GABRB2: variants seen among roughly 807,000 people sequenced by gnomAD.
GABRB2 encodes gamma-aminobutyric acid receptor subunit beta-2.
GABRB2 carries 16 observed loss-of-function variants against 54.7 expected under a neutral mutation model. The observed-to-expected ratio is 0.29, with a 90% CI of 0.20 to 0.44. The LOEUF (loss-of-function observed/expected upper bound fraction) is 0.44. Ranked by LOEUF, GABRB2 falls within the 20% of genes least tolerant of loss-of-function variation. The pLI is 1.00. For missense variants in GABRB2, 355 were observed against 644.0 expected, an observed-to-expected ratio of 0.55 and a Z score of 4.86; for synonymous variants, 244 against 233.8, an observed-to-expected ratio of 1.04 and a Z score of -0.40.
At chr5:161,405,372 C>T (rs1286388109) in intron 5 of GABRB2, among the ~76,000 whole-genome samples, 1 of 152,048 alleles carries the variant, frequency 6.6e-6, no homozygotes, top group Admixed American at 6.6e-5. Flanking sequence ...ATAATGATAA[C>T]AGCTGCTACT....
At chr5:161,359,683 C>G (rs1330874674) in intron 5 of GABRB2, among the ~76,000 whole-genome samples, 1 of 152,184 alleles carries the variant, frequency 6.6e-6, no homozygotes, top group Non-Finnish European at 1.5e-5. Context: ...TTTTTATCCT[C>G]TCTCTGATTT....
intron 3 of GABRB2, among the ~76,000 whole-genome samples, chr5:161,460,276 G>A (rs1316571341): frequency 2.1e-5 from 3 of 142,984 alleles, no homozygotes; most frequent in African/African-American, 5.7e-5. Flanking sequence ...ATATGTGTGT[G>A]TGTGTGTGTG....
intron 3 of GABRB2, among the ~76,000 whole-genome samples, chr5:161,487,482 A>G (rs1758963076): frequency 1.3e-5 from 2 of 151,892 alleles, no homozygotes; most frequent in South Asian, 2.1e-4. Flanking sequence ...TGGAACTTGA[A>G]TGAAAGGGAA....
intron 5 of GABRB2, among the ~76,000 whole-genome samples, chr5:161,394,253 A>G (rs556346443): frequency 6.6e-6 from 1 of 152,194 alleles, no homozygotes; most frequent in East Asian, 1.9e-4. Flanking sequence ...CCTTTATAGT[A>G]GAATTCAAGC....
At chr5:161,446,266 A>G (rs1757612859) in intron 4 of GABRB2, among the ~76,000 whole-genome samples, 1 of 151,988 alleles carries the variant, frequency 6.6e-6, no homozygotes. Context: ...TCAGGACTTG[A>G]CTGGATGGAT....
intron 5 of GABRB2, among the ~76,000 whole-genome samples, chr5:161,393,942 C>A (rs911788186): frequency 6.6e-6 from 1 of 152,048 alleles, no homozygotes; most frequent in African/African-American, 2.4e-5. Flanking sequence ...TTCAACTGCA[C>A]AATACACATT....
chr5:161,506,083 T>C (rs1759597199), intron 3 of GABRB2, among the ~76,000 whole-genome samples: 1 of 152,002 alleles, frequency 6.6e-6, no homozygotes, highest in Non-Finnish European at 1.5e-5. Flanking sequence ...CATACAAAAG[T>C]ACTAGGATTA....
At chr5:161,463,555 T>TAGA (rs1236064276) in intron 3 of GABRB2, among the ~76,000 whole-genome samples, 817 of 23,700 alleles carry the variant, frequency 0.034, 31 homozygotes, top group Middle Eastern at 0.083. Flanking sequence ...ATATTTTTAT[T>TAGA]TATATATATA....
chr5:161,354,597 G>A (rs1173628050), intron 5 of GABRB2, among the ~76,000 whole-genome samples: 1 of 151,924 alleles, frequency 6.6e-6, no homozygotes, highest in Non-Finnish European at 1.5e-5. Flanking sequence ...TGCCTAATTG[G>A]TTTGCCTACT....
intron 5 of GABRB2, among the ~76,000 whole-genome samples, chr5:161,398,386 AAAC>A (rs1756070910): frequency 6.6e-6 from 1 of 152,244 alleles, no homozygotes; most frequent in Admixed American, 6.5e-5. Context: ...ACTTAGCTGC[AAAC>A]AACAAAACTG....
chr5:161,418,044 C>G (rs911909472), intron 4 of GABRB2, among the ~76,000 whole-genome samples: 4 of 152,098 alleles, frequency 2.6e-5, no homozygotes, highest in Admixed American at 6.5e-5. Context: ...CCTTCTGTGA[C>G]TCTTTCATTT....
Position 161,406,566 on chromosome 5 carries a change from T to C in GABRB2, c.541+4409A>G, listed in dbSNP as rs866084120. 7.9e-5 allele frequency among the ~76,000 whole-genome samples: 12 copies of C among 152,182 alleles called. No homozygotes were observed. In the Middle Eastern group the frequency reaches 0.01, roughly 129 times the overall value. ...TGCTGAAGTTGCTATTTATTAGATG[T>C]CTACCATGGACCAAAGCAATGTGTT... On this transcript the variant is annotated intron_variant, in intron 5 of 9. Coordinates refer to ENST00000393959, the MANE Select transcript of GABRB2 (RefSeq NM_001371727.1).
intron 3 of GABRB2, among the ~76,000 whole-genome samples, chr5:161,536,692 G>C (rs1760648128): frequency 6.6e-6 from 1 of 152,100 alleles, no homozygotes; most frequent in Non-Finnish European, 1.5e-5. Flanking sequence ...CGCCTCCCAG[G>C]TTCAAGCAAT....
chr5:161,514,633 G>A (rs1759879544), intron 3 of GABRB2, among the ~76,000 whole-genome samples: 1 of 151,870 alleles, frequency 6.6e-6, no homozygotes, highest in Admixed American at 6.6e-5. Flanking sequence ...AAGGTGTACT[G>A]CCTCCAAATG....
chr5:161,294,190 G>A lies in GABRB2; in HGVS notation c.1430C>T (p.Thr477Ile), dbSNP rs781122974. Residue 477 changes from threonine to isoleucine, a missense_variant, in exon 10 of 10, where the codon ACC becomes ATC. Transcript: ENST00000393959. ...ATTCACATCAGTCAAGTCAGGGATG[G>A]TGATTTTCAGTTGGGAGGCGCGTCT... is the stretch of plus-strand genomic sequence containing the variant. ...LRRRASQLKITIPDLTDVNAI... is the reference protein window; with the variant it reads ...LRRRASQLKIIIPDLTDVNAI... 3.1e-6 allele frequency: 5 copies of A among 1,614,016 alleles called. No individual in the cohort carries two copies. The highest frequency in any genetic ancestry group is 1.7e-5 in the Admixed American group (1 of 59,986).
chr5:161,517,405 G>A (rs998077601), intron 3 of GABRB2, among the ~76,000 whole-genome samples: 5 of 152,082 alleles, frequency 3.3e-5, no homozygotes, highest in African/African-American at 4.8e-5. Context: ...AGATTATAAG[G>A]GTTAGCTTTC....
At chr5:161,497,559 T>TGTGTGTGTGTGTG (rs58735264) in intron 3 of GABRB2, among the ~76,000 whole-genome samples, 1 of 150,498 alleles carries the variant, frequency 6.6e-6, no homozygotes, top group African/African-American at 2.4e-5. Flanking sequence ...TGTGTGTGTG[T>TGTGTGTGTGTGTG]TTTATTTAGT....
At chr5:161,457,989 G>A (rs1422589574) in intron 4 of GABRB2, among the ~76,000 whole-genome samples, 3 of 152,058 alleles carry the variant, frequency 2.0e-5, no homozygotes, top group African/African-American at 7.2e-5. Context: ...GTGATATGAT[G>A]GACAAAATGC....
chr5:161,461,312 G>A (rs772522169), intron 3 of GABRB2, among the ~76,000 whole-genome samples: 4 of 152,100 alleles, frequency 2.6e-5, no homozygotes, highest in South Asian at 2.1e-4. Flanking sequence ...CCAGCCTTAC[G>A]GACAAGTAGG....
Sources: gnomAD v4.1 joint callset for allele counts (sites outside exome capture counted in the v4.1 genomes callset) on GRCh38, gnomAD v4.1.1 for gene constraint, MANE v1.5 for transcripts, NCBI Gene and HGNC (gene_info 2026-07-23, HGNC 2026-07-21) for gene names.